MTOR: variants seen among roughly 807,000 people sequenced by gnomAD.
MTOR encodes the protein serine/threonine-protein kinase mTOR.
Under a neutral mutation model 319.8 loss-of-function variants are expected in MTOR, and 70 were observed. That is an observed-to-expected ratio of 0.22 (90% CI 0.18 to 0.27). The LOEUF (loss-of-function observed/expected upper bound fraction) is 0.27. Among genes scored for constraint, MTOR ranks in the 10% least tolerant of loss-of-function variants. MTOR has a pLI of 1.00. For synonymous variants in MTOR, 1,183 were observed against 1,211.4 expected, an observed-to-expected ratio of 0.98 and a Z score of 0.49; for missense variants, 1,890 against 3,274.4, an observed-to-expected ratio of 0.58 and a Z score of 10.32.
chr1:11,148,603 T>A (rs1232476212), intron 31 of MTOR, among the ~76,000 whole-genome samples: 2 of 152,032 alleles, frequency 1.3e-5, no homozygotes, highest in African/African-American at 4.8e-5. Context: ...CATCTCTCTT[T>A]AAAACAAAAA....
intron 11 of MTOR, among the ~76,000 whole-genome samples, chr1:11,239,501 T>C (rs1241434320): frequency 6.7e-6 from 1 of 149,602 alleles, no homozygotes; most frequent in Non-Finnish European, 1.5e-5. Flanking sequence ...ATACTACCTA[T>C]ATGATCTTAA....
chr1:11,156,326 A>G (rs575819358), intron 30 of MTOR, among the ~76,000 whole-genome samples: 1 of 152,368 alleles, frequency 6.6e-6, no homozygotes, highest in East Asian at 1.9e-4. Flanking sequence ...AAACAGTTTA[A>G]CAATGATAGT....
chr1:11,164,886 A>G (rs1414371436), intron 29 of MTOR, among the ~76,000 whole-genome samples: 6 of 152,324 alleles, frequency 3.9e-5, no homozygotes, highest in Admixed American at 3.9e-4. Context: ...CAGCACATCA[A>G]AAAGCTTATC....
chr1:11,196,639 G>A (rs1645794990), intron 28 of MTOR, among the ~76,000 whole-genome samples: 1 of 152,134 alleles, frequency 6.6e-6, no homozygotes, highest in South Asian at 2.1e-4. Context: ...TGGATCACGA[G>A]GTCAAGAGAG....
At chr1:11,244,276 G>C in intron 8 of MTOR, among the ~76,000 whole-genome samples, 1 of 81,930 alleles carries the variant, frequency 1.2e-5, no homozygotes, top group East Asian at 4.7e-4. Context: ...TGGGCAACAA[G>C]AGCAAAACTA....
chr1:11,231,071 A>AG lies in MTOR; in HGVS notation c.2650-18dup. The AG allele has an allele frequency of 6.2e-7, 1 of 1,614,058 alleles. No individual in the cohort carries two copies. The highest frequency in any genetic ancestry group is 1.1e-5 in the South Asian group (1 of 91,072). Reference sequence around the variant, plus strand: ...ACGGATGGCCTGCGTGGGAAAGGGGAGGGAAAAAAGAAAACATTCATCACA... The same window carrying AG: ...ACGGATGGCCTGCGTGGGAAAGGGGAGGGGAAAAAAGAAAACATTCATCACA... On this transcript the variant is annotated splice_polypyrimidine_tract_variant and intron_variant, in intron 17 of 57. Coordinates refer to ENST00000361445, the MANE Select transcript of MTOR (RefSeq NM_004958.4).
In MTOR at chr1:11,121,550, C is replaced by A. The variant is rs1028710676; in HGVS notation, c.6811-182G>T. On this transcript the variant is annotated intron_variant, in intron 48 of 57. Coordinates refer to ENST00000361445, the MANE Select transcript of MTOR (RefSeq NM_004958.4). The surrounding 1 kb of genome is among the most constrained non-coding windows in gnomAD (Gnocchi z 4.9). ...GAAGTGACCACTCTAACCTGATGACCACTGGAACCCCAAGGCATAAGGGAA... is the reference window on the plus strand; with the variant it reads ...GAAGTGACCACTCTAACCTGATGACAACTGGAACCCCAAGGCATAAGGGAA... Among the ~76,000 whole-genome samples the A allele has an allele frequency of 6.6e-6, 1 of 152,148 alleles. No individual in the cohort carries two copies. The highest frequency in any genetic ancestry group is 1.5e-5 in the Non-Finnish European group (1 of 68,022).
chr1:11,211,303 G>A (rs1004953486), intron 23 of MTOR, among the ~76,000 whole-genome samples: 5 of 152,316 alleles, frequency 3.3e-5, no homozygotes, highest in East Asian at 1.9e-4. Context: ...TTTAGTGGGC[G>A]TCAGAATCAC....
chr1:11,196,441 C>T (rs979166326), intron 28 of MTOR, among the ~76,000 whole-genome samples: 17 of 152,060 alleles, frequency 1.1e-4, no homozygotes, highest in African/African-American at 3.9e-4. Context: ...GATTACATCT[C>T]GGATTTAATT....
chr1:11,150,521 T>C (rs539359032), intron 30 of MTOR, among the ~76,000 whole-genome samples: 8 of 152,274 alleles, frequency 5.3e-5, no homozygotes, highest in African/African-American at 1.4e-4. Flanking sequence ...ACTTCTCTCC[T>C]ATGCCAAAGA....
intron 28 of MTOR, among the ~76,000 whole-genome samples, chr1:11,187,048 C>G (rs1365407685): frequency 1.3e-5 from 2 of 152,188 alleles, no homozygotes. Context: ...GGGACTGTTA[C>G]ATGGGGTACA....
intron 19 of MTOR, among the ~76,000 whole-genome samples, chr1:11,227,635 G>A (rs1646888425): frequency 1.3e-5 from 2 of 151,926 alleles, no homozygotes; most frequent in Non-Finnish European, 2.9e-5. Flanking sequence ...TGCATATTCT[G>A]TGGTTTAAAG....
chr1:11,142,304 T>C (rs1447402977), intron 34 of MTOR, among the ~76,000 whole-genome samples: 1 of 152,092 alleles, frequency 6.6e-6, no homozygotes, highest in Non-Finnish European at 1.5e-5. Context: ...TCCTTTTTTT[T>C]TGGAGATGGA....
chr1:11,124,172 C>T (rs1293021631), intron 47 of MTOR, among the ~76,000 whole-genome samples: 1 of 152,002 alleles, frequency 6.6e-6, no homozygotes, highest in African/African-American at 2.4e-5. Context: ...TCAAGTGATC[C>T]TCCTACCTTG....
rs538106020 is a variant in MTOR at position 11,140,072 on chromosome 1, G to T, written c.4873-414C>A. Among the ~76,000 whole-genome samples, 7 of 152,148 alleles carry T rather than the reference G, an allele frequency of 4.6e-5. 1 individual carries two copies. The highest frequency in any genetic ancestry group is 4.6e-4 in the Admixed American group (7 of 15,288). ...ACTCCTGACCTTAACTGATCTGCCT[G>T]CTTCGGCTCCCAAAGTTCTGGGATT... On this transcript the variant is annotated intron_variant, in intron 34 of 57. Transcript: ENST00000361445.
intron 36 of MTOR, among the ~76,000 whole-genome samples, chr1:11,135,861 G>A (rs987949562): frequency 1.1e-4 from 17 of 151,240 alleles, no homozygotes; most frequent in Admixed American, 9.9e-4. Context: ...AAGGCTGGGT[G>A]TGGTGGCTCA....
At chr1:11,134,220 T>A (rs1217543335) in intron 37 of MTOR, 131 bp downstream of exon 37, 25 of 738,280 alleles carry the variant, frequency 3.4e-5, no homozygotes, top group Admixed American at 1.8e-4. Flanking sequence ...TTGCCTGGGA[T>A]CCCTACTGGA....
intron 3 of MTOR, among the ~76,000 whole-genome samples, chr1:11,257,566 GAAAAAAAAAAAAA>G (rs70977557): frequency 4.6e-5 from 3 of 64,842 alleles, no homozygotes; most frequent in Non-Finnish European, 8.4e-5. Context: ...CTGTCTCAGA[GAAAAAAAAAAAAA>G]AAAAAAAAAA....
rs1045887999 is a variant in MTOR at position 11,174,935 on chromosome 1, C to T, written c.4254-7418G>A. 3.9e-5 allele frequency among the ~76,000 whole-genome samples: 6 copies of T among 152,158 alleles called. No individual in the cohort carries two copies. The East Asian group carries it at 5.8e-4, about 15-fold the overall frequency. The stretch of plus-strand genomic sequence containing the variant: ...GCTGGTCTGGTGGAAAAGATCTGAA[C>T]ACAAACAAGTTTAAAGAAACTGAGG... On this transcript the variant is annotated intron_variant, in intron 28 of 57. Transcript: ENST00000361445.
Sources: allele counts gnomAD v4.1 joint callset (sites outside exome capture counted in the v4.1 genomes callset), GRCh38; gene constraint gnomAD v4.1.1; non-coding constraint Gnocchi (gnomAD v3.1); transcripts MANE v1.5; gene names NCBI Gene and HGNC (gene_info 2026-07-23, HGNC 2026-07-21).